CLCN6: variants seen among roughly 807,000 people sequenced by gnomAD.
CLCN6 encodes Cl-/H+ antiporter 6.
CLCN6 carries 70 observed loss-of-function variants against 109.8 expected under a neutral mutation model. That is an observed-to-expected ratio of 0.64 (90% CI 0.53 to 0.78). CLCN6 has a LOEUF of 0.78. CLCN6 is among the 30% of genes least tolerant of loss of function. CLCN6 has a pLI of 0.00. For missense variants in CLCN6, 984 were observed against 1,142.3 expected (o/e 0.86, Z 2.00); for synonymous variants, 444 against 447.8 (o/e 0.99, Z 0.11).
intron 13 of CLCN6, among the ~76,000 whole-genome samples, chr1:11,832,652 T>A (rs188534757): frequency 1.6e-4 from 24 of 152,346 alleles, no homozygotes; most frequent in Admixed American, 3.9e-4. Flanking sequence ...GTCCACATAA[T>A]GGCATCTCCA....
At chr1:11,809,223 A>G (rs971945669) in intron 2 of CLCN6, among the ~76,000 whole-genome samples, 10 of 152,092 alleles carry the variant, frequency 6.6e-5, no homozygotes, top group African/African-American at 1.9e-4. Context: ...AGGAATTAGT[A>G]TAAGATACTC....
intron 2 of CLCN6, among the ~76,000 whole-genome samples, chr1:11,811,831 T>C (rs1468345037): frequency 6.6e-6 from 1 of 152,106 alleles, no homozygotes; most frequent in Non-Finnish European, 1.5e-5. Flanking sequence ...TCTAAAAACC[T>C]TCTAAATGTT....
At chr1:11,839,411 G>A (rs781091958) in intron 22 of CLCN6, among the ~76,000 whole-genome samples, 6 of 152,150 alleles carry the variant, frequency 3.9e-5, no homozygotes, top group East Asian at 1.9e-4. Flanking sequence ...ACAGGCATGC[G>A]CCACTATGCC....
At chr1:11,806,437 G>T in intron 1 of CLCN6, 88 bp downstream of exon 1, 1 of 1,258,776 alleles carries the variant, frequency 7.9e-7, no homozygotes, top group Non-Finnish European at 1.0e-6. Flanking sequence ...GGGCCAATCT[G>T]GGCCCGCAGG....
intron 2 of CLCN6, among the ~76,000 whole-genome samples, chr1:11,811,869 A>G (rs1644603495): frequency 6.6e-6 from 1 of 152,232 alleles, no homozygotes; most frequent in Non-Finnish European, 1.5e-5. Context: ...ATTAGATGGA[A>G]CCATCAATGA....
Position 11,834,596 on chromosome 1 carries a change from G to T in CLCN6, c.1793+6G>T, listed in dbSNP as rs759643082. 1.2e-6 allele frequency: 2 copies of T among 1,612,668 alleles called. No individual in the cohort carries two copies. The highest frequency in any genetic ancestry group is 2.7e-5 in the African/African-American group (2 of 75,008). ...ACAGAGGTGGAAATGGACAAGTAAG[G>T]CCATGATTTTGCTCATGTCCTAGTT... On this transcript the variant is annotated splice_donor_region_variant and intron_variant, in intron 17 of 22. Coordinates refer to ENST00000346436, the MANE Select transcript of CLCN6 (RefSeq NM_001286.5). This position sits in a 1 kb window ranked among gnomAD's most constrained non-coding sequence, Gnocchi z 4.5.
chr1:11,817,861 G>A (rs1644693156), intron 4 of CLCN6, among the ~76,000 whole-genome samples: 1 of 152,158 alleles, frequency 6.6e-6, no homozygotes, highest in East Asian at 1.9e-4. Flanking sequence ...ACAAGTAAAG[G>A]AACATCTTAC....
intron 5 of CLCN6, 85 bp from the exon 6 acceptor site, chr1:11,822,610 A>G (rs1644760026): frequency 2.5e-6 from 2 of 804,572 alleles, no homozygotes; most frequent in Admixed American, 2.1e-5. Context: ...AGCATGATCC[A>G]AAGGAGAAGC....
In CLCN6 at chr1:11,836,024, C is replaced by A. The variant is rs756047201; in HGVS notation, c.1851C>A (p.Arg617=). 6 of 1,614,054 alleles carry A rather than the reference C, an allele frequency of 3.7e-6. No homozygotes were observed. The highest frequency in any genetic ancestry group is 3.4e-6 in the Non-Finnish European group (4 of 1,180,000). The change falls in exon 18 of 23, where the codon CGC becomes CGA. Residue 617 remains arginine, a synonymous_variant. Transcript: ENST00000346436. ...PNLTYVYPHT[R]IQSLVSILRT... ...TGACCTACGTCTACCCGCACACCCG[C>A]ATCCAGTCTCTGGTGAGCATCCTGC...
intron 10 of CLCN6, among the ~76,000 whole-genome samples, chr1:11,827,860 C>G (rs1644833031): frequency 6.6e-6 from 1 of 152,140 alleles, no homozygotes; most frequent in Non-Finnish European, 1.5e-5. Flanking sequence ...GGTGCAAGGT[C>G]TGGTCTGTAA....
intron 1 of CLCN6, 62 bp from the exon 2 acceptor site, chr1:11,807,069 C>T: frequency 7.1e-7 from 1 of 1,403,484 alleles, no homozygotes; most frequent in African/African-American, 1.4e-5. Flanking sequence ...TCAGTAAATA[C>T]TTCTGCCTCC....
intron 2 of CLCN6, 92 bp downstream of exon 2, chr1:11,807,282 T>G (rs1246349892): frequency 1.6e-5 from 18 of 1,122,724 alleles, no homozygotes; most frequent in Non-Finnish European, 2.4e-5. Flanking sequence ...AGAGATGCTC[T>G]TTGACCTTCT....
intron 4 of CLCN6, among the ~76,000 whole-genome samples, chr1:11,817,523 T>C (rs1644689139): frequency 6.6e-6 from 1 of 152,142 alleles, no homozygotes; most frequent in Non-Finnish European, 1.5e-5. Flanking sequence ...ATTGGAAACA[T>C]GGCCAAAGAT....
At chr1:11,830,742 TATATA>T (rs1644869827) in intron 13 of CLCN6, among the ~76,000 whole-genome samples, 1 of 95,510 alleles carries the variant, frequency 1.0e-5, no homozygotes, top group Non-Finnish European at 2.2e-5. Context: ...ATATATTATA[TATATA>T]TATATATATA....
rs1447236723 is a variant in CLCN6, at chr1:11,837,136, G to A, written c.2118G>A (p.Leu706=). ...SEEPAEKEDL[L]QQMLERRYTP... is the part of the protein sequence containing the mutation. ...AGCCAGCCGAGAAGGAGGACCTCCT[G>A]CAGCAGATGCTGGAAAGGAGGTGAG... Residue 706 remains leucine, a synonymous_variant, in exon 19 of 23, where the codon CTG becomes CTA. Transcript: ENST00000346436. The A allele has an allele frequency of 6.2e-7, 1 of 1,612,810 alleles. No individual in the cohort carries two copies. The highest frequency in any genetic ancestry group is 1.7e-5 in the Admixed American group (1 of 59,992).
chr1:11,837,262 G>A (rs557631645), intron 19 of CLCN6, 81 bp from the exon 20 acceptor site: 160 of 1,585,498 alleles, frequency 1.0e-4, no homozygotes, highest in Admixed American at 2.1e-4. Flanking sequence ...GGGAAAGTTG[G>A]ATGGGGAGCG....
chr1:11,840,905 C>G lies in CLCN6; in HGVS notation c.*682C>G, dbSNP rs927868370. 4.6e-5 allele frequency: 7 copies of G among 152,910 alleles called. No individual in the cohort carries two copies. The highest frequency in any genetic ancestry group is 1.7e-4 in the African/African-American group (7 of 41,458). 9.5% of individuals were successfully genotyped at this position (152,910 alleles called of 1,614,324 possible). On this transcript the variant is annotated 3_prime_UTR_variant, in exon 23 of 23. Coordinates refer to ENST00000346436, the MANE Select transcript of CLCN6 (RefSeq NM_001286.5). ...CACTAATAACCCCTGGATGGTCAAT[C>G]TGATAATAGGATCAGATTTACGTCT...
At position 11,838,670 on chromosome 1, in the gene CLCN6, G is replaced by T. The variant is rs1399952955; in HGVS notation, c.2529+10G>T. On this transcript the variant is annotated intron_variant, in intron 22 of 22. Coordinates refer to ENST00000346436, the MANE Select transcript of CLCN6 (RefSeq NM_001286.5). Reference sequence around the variant, plus strand: ...GAACGCTGTGGGAGAGGTGAGCGAGGCCCCGGCCCTGCCCCCACCTTTGAG... The same window carrying T: ...GAACGCTGTGGGAGAGGTGAGCGAGTCCCCGGCCCTGCCCCCACCTTTGAG... The T allele has an allele frequency of 6.2e-7, 1 of 1,614,228 alleles. No individual in the cohort carries two copies. Among genetic ancestry groups the T allele is most frequent in the Admixed American group, 1.7e-5 (1 of 60,022 alleles).
intron 2 of CLCN6, among the ~76,000 whole-genome samples, chr1:11,813,812 G>T (rs12404124): frequency 0.57 from 86,030 of 151,950 alleles, 24,966 homozygotes; most frequent in East Asian, 0.77. Flanking sequence ...GAATGCTGAC[G>T]TACAAATAAT....
Sources: gnomAD v4.1 joint callset for allele counts (sites outside exome capture counted in the v4.1 genomes callset) on GRCh38, gnomAD v4.1.1 for gene constraint, Gnocchi (gnomAD v3.1) non-coding constraint, MANE v1.5 for transcripts, NCBI Gene and HGNC (gene_info 2026-07-23, HGNC 2026-07-21) for gene names.